REDIC1: variants seen among roughly 807,000 people sequenced by gnomAD.
REDIC1 encodes HEI10 Interacting Protein 1.
At chr12:39,688,194 T>G in the REDIC1 span, among the ~76,000 whole-genome samples, 1 of 145,452 alleles carries the variant, frequency 6.9e-6, no homozygotes, top group Admixed American at 7.2e-5. Flanking sequence ...CTTTAAGAAG[T>G]CTTCATCTAG....
chr12:39,807,729 G>T, the REDIC1 span, among the ~76,000 whole-genome samples: 1 of 152,028 alleles, frequency 6.6e-6, no homozygotes, highest in African/African-American at 2.4e-5. Context: ...TCTTCTAAGT[G>T]CACCCTTTCA....
chr12:39,885,191 C>G, the REDIC1 span, among the ~76,000 whole-genome samples: 2 of 152,184 alleles, frequency 1.3e-5, no homozygotes, highest in African/African-American at 4.8e-5. Flanking sequence ...ACTGGAGGAA[C>G]AGGAGCTAGG....
chr12:39,859,847 G>T, the REDIC1 span, among the ~76,000 whole-genome samples: 1 of 151,976 alleles, frequency 6.6e-6, no homozygotes, highest in Non-Finnish European at 1.5e-5. Context: ...GTATTAAAAA[G>T]AAAAAGTATA....
At chr12:39,729,981 C>T in the REDIC1 span, among the ~76,000 whole-genome samples, 1 of 151,994 alleles carries the variant, frequency 6.6e-6, no homozygotes, top group Admixed American at 6.5e-5. Context: ...AGGATTGCAG[C>T]CCCTGCTTTT....
the REDIC1 span, among the ~76,000 whole-genome samples, chr12:39,678,599 C>T: frequency 3.4e-5 from 5 of 145,500 alleles, no homozygotes; most frequent in African/African-American, 1.3e-4. Context: ...GCCAGTATCA[C>T]CCTAATACCA....
the REDIC1 span, among the ~76,000 whole-genome samples, chr12:39,769,139 T>C: frequency 6.6e-6 from 1 of 152,108 alleles, no homozygotes; most frequent in African/African-American, 2.4e-5. Context: ...GGTTCCCTAA[T>C]GATGCTTATT....
chr12:39,794,152 A>G, the REDIC1 span, among the ~76,000 whole-genome samples: 1 of 149,732 alleles, frequency 6.7e-6, no homozygotes, highest in African/African-American at 2.5e-5. Flanking sequence ...AAAAAAAACC[A>G]AAACAAAACC....
At chr12:39,676,170 G>A in the REDIC1 span, among the ~76,000 whole-genome samples, 2 of 151,604 alleles carry the variant, frequency 1.3e-5, no homozygotes, top group Non-Finnish European at 2.9e-5. Context: ...TACTAGAAAA[G>A]GGAGAACACC....
At chr12:39,897,313 A>G in the REDIC1 span, among the ~76,000 whole-genome samples, 1 of 152,198 alleles carries the variant, frequency 6.6e-6, no homozygotes, top group Admixed American at 6.6e-5. Context: ...AGACTATCTG[A>G]AAGATAAGCT....
chr12:39,849,555 G>A, the REDIC1 span, among the ~76,000 whole-genome samples: 1 of 152,150 alleles, frequency 6.6e-6, no homozygotes, highest in Admixed American at 6.5e-5. Flanking sequence ...GTGCTTCTCT[G>A]ACTGAGGTGG....
the REDIC1 span, among the ~76,000 whole-genome samples, chr12:39,884,390 CTTAAA>C: frequency 2.6e-5 from 4 of 152,210 alleles, no homozygotes; most frequent in African/African-American, 7.2e-5. Context: ...TTCGTATTTT[CTTAAA>C]TTAATCTATG....
chr12:39,647,763 T>G, the REDIC1 span: 1 of 1,384,006 alleles, frequency 7.2e-7, no homozygotes, highest in Non-Finnish European at 9.6e-7. Flanking sequence ...ATTTTGGTAA[T>G]GTAAATGATT....
chr12:39,642,538 C>G, the REDIC1 span, among the ~76,000 whole-genome samples: 1 of 151,674 alleles, frequency 6.6e-6, no homozygotes, highest in Non-Finnish European at 1.5e-5. Flanking sequence ...ATCTCCCTCA[C>G]TATGGTCTTA....
chr12:39,851,463 CT>C, the REDIC1 span, among the ~76,000 whole-genome samples: 3 of 152,086 alleles, frequency 2.0e-5, no homozygotes, highest in Non-Finnish European at 4.4e-5. Flanking sequence ...GAGCAGTGCA[CT>C]TTTTTTAGTG....
chr12:39,896,390 GTGTATATA>G, the REDIC1 span, among the ~76,000 whole-genome samples: 1 of 139,134 alleles, frequency 7.2e-6, no homozygotes, highest in African/African-American at 2.8e-5. Context: ...GTATGTATAT[GTGTATATA>G]TGTATACATA....
the REDIC1 span, among the ~76,000 whole-genome samples, chr12:39,810,596 T>C: frequency 6.6e-6 from 1 of 152,170 alleles, no homozygotes; most frequent in Admixed American, 6.5e-5. Context: ...TTAAGTATAA[T>C]GTAAGCTGTA....
the REDIC1 span, among the ~76,000 whole-genome samples, chr12:39,680,566 T>C: frequency 1.3e-5 from 2 of 152,192 alleles, no homozygotes; most frequent in Admixed American, 6.5e-5. Flanking sequence ...GAAAACAGTA[T>C]GGAGACTCCT....
the REDIC1 span, among the ~76,000 whole-genome samples, chr12:39,784,807 C>T: frequency 2.6e-5 from 4 of 152,174 alleles, no homozygotes; most frequent in Admixed American, 1.3e-4. Context: ...AATGGGAGAA[C>T]ATTTTTACAG....
the REDIC1 span, chr12:39,765,003 A>G: frequency 3.2e-6 from 3 of 935,792 alleles, no homozygotes; most frequent in Non-Finnish European, 4.6e-6. Flanking sequence ...AACTAAATAT[A>G]CAGTATTAGA....
Sources: allele counts gnomAD v4.1 joint callset (sites outside exome capture counted in the v4.1 genomes callset), GRCh38; gene constraint gnomAD v4.1.1; transcripts MANE v1.5; gene names NCBI Gene and HGNC (gene_info 2026-07-23, HGNC 2026-07-21).